CNTN4: variants seen among roughly 807,000 people sequenced by gnomAD.
CNTN4 encodes contactin 4, also known as contactin-4.
A neutral mutation model predicts 122.5 loss-of-function variants in CNTN4; 77 were observed. That is an observed-to-expected ratio of 0.63 (90% CI 0.52 to 0.76). The LOEUF (loss-of-function observed/expected upper bound fraction) is 0.76, where lower values mean the gene tolerates loss of function less well. CNTN4 is among the 30% of genes least tolerant of loss of function. The probability of loss-of-function intolerance (pLI) is 0.00; values close to 1 mark genes in which losing one functional copy is unlikely to be tolerated. For missense variants in CNTN4, 1,256 were observed against 1,259.1 expected, an observed-to-expected ratio of 1.00 and a Z score of 0.04; for synonymous variants, 512 against 447.0, an observed-to-expected ratio of 1.15 and a Z score of -1.83.
intron 3 of CNTN4, among the ~76,000 whole-genome samples, chr3:2,552,262 C>T (rs903785354): frequency 2.0e-4 from 31 of 151,808 alleles, no homozygotes; most frequent in Admixed American, 1.4e-3. Context: ...CAGTAGAAAC[C>T]GACAGAAAAG....
At chr3:2,113,681 A>G (rs981524202) in intron 2 of CNTN4, among the ~76,000 whole-genome samples, 2 of 152,202 alleles carry the variant, frequency 1.3e-5, no homozygotes, top group Non-Finnish European at 1.5e-5. Context: ...ATCAGAGTCT[A>G]TATAGTTTAA....
chr3:2,494,994 TC>T (rs1355953716), intron 3 of CNTN4, among the ~76,000 whole-genome samples: 1 of 152,216 alleles, frequency 6.6e-6, no homozygotes, highest in Non-Finnish European at 1.5e-5. Context: ...ACATTTTTTT[TC>T]CTACAAAGGT....
intron 3 of CNTN4, among the ~76,000 whole-genome samples, chr3:2,477,962 T>C (rs1452769926): frequency 6.6e-6 from 1 of 152,230 alleles, no homozygotes; most frequent in African/African-American, 2.4e-5. Flanking sequence ...ATTTTTAAAT[T>C]ACTTTGAAAT....
intron 2 of CNTN4, among the ~76,000 whole-genome samples, chr3:2,158,179 G>A (rs2035802426): frequency 6.6e-6 from 1 of 152,116 alleles, no homozygotes. Context: ...ACACATCAAA[G>A]TTTATGTTCC....
In CNTN4 at chr3:3,056,255, T is replaced by G. The variant is rs567737970; in HGVS notation, c.*35T>G. 7 of 1,478,946 alleles carry G rather than the reference T, an allele frequency of 4.7e-6. No individual in the cohort carries two copies. In the Admixed American group the frequency reaches 1.2e-4, roughly 25 times the overall value. The allele number at this position is 1,478,946 out of a possible 1,614,324, so 91.6% of individuals were successfully genotyped here. A position where few individuals can be genotyped will look rare whatever the true frequency, so the allele number is the denominator to read the frequency against. On this transcript the variant is annotated 3_prime_UTR_variant, in exon 25 of 25. Transcript: ENST00000418658. ...TCTGAAGGACTTGCTGTTTATAATA[T>G]AAGCAACATTTAGCTAGTTGTTTTG...
intron 3 of CNTN4, among the ~76,000 whole-genome samples, chr3:2,349,108 C>G (rs2044511730): frequency 6.6e-6 from 1 of 152,142 alleles, no homozygotes. Flanking sequence ...TTTACCCGAA[C>G]TGGTTTGGTA....
At chr3:2,628,619 T>C (rs2082298574) in intron 4 of CNTN4, among the ~76,000 whole-genome samples, 1 of 152,150 alleles carries the variant, frequency 6.6e-6, no homozygotes, top group Admixed American at 6.5e-5. Flanking sequence ...CCTTTATCCG[T>C]GTCGGTGAAA....
chr3:2,789,393 G>A (rs1418761913), intron 6 of CNTN4, among the ~76,000 whole-genome samples: 2 of 152,214 alleles, frequency 1.3e-5, no homozygotes, highest in Non-Finnish European at 2.9e-5. Context: ...TGCCTGAGAA[G>A]GCTTAGCCCT....
chr3:2,698,765 G>A (rs2086188036), intron 4 of CNTN4, among the ~76,000 whole-genome samples: 1 of 152,102 alleles, frequency 6.6e-6, no homozygotes, highest in Admixed American at 6.6e-5. Flanking sequence ...TAAGAGCCTG[G>A]CCAACACTTT....
intron 3 of CNTN4, among the ~76,000 whole-genome samples, chr3:2,363,898 A>T (rs2045265602): frequency 6.6e-6 from 1 of 152,336 alleles, no homozygotes; most frequent in South Asian, 2.1e-4. Flanking sequence ...CTATAGCTTT[A>T]ATGTAGGTGA....
chr3:2,383,059 C>T (rs984763422), intron 3 of CNTN4, among the ~76,000 whole-genome samples: 5 of 147,340 alleles, frequency 3.4e-5, no homozygotes, highest in South Asian at 2.1e-4. Context: ...TGGGTGACAA[C>T]AGCGAAAATC....
In CNTN4 at chr3:3,014,879, G is replaced by GTTTTTTTTTTTTTT. The variant is rs5846238; in HGVS notation, c.1487-11218_1487-11205dup. On this transcript the variant is annotated intron_variant, in intron 14 of 24. Coordinates refer to ENST00000418658, the MANE Select transcript of CNTN4 (RefSeq NM_175607.3). ...TTTATACTTGCGTGACCCTCGATTG[G>GTTTTTTTTTTTTTT]TTTTTTTTTTTTTTTTTTCTCTTTG... Among the ~76,000 whole-genome samples the GTTTTTTTTTTTTTT allele has an allele frequency of 5.8e-5, 7 of 121,544 alleles. 1 individual carries two copies. The highest frequency in any genetic ancestry group is 9.5e-5 in the African/African-American group (3 of 31,680). The allele number at this position is 121,544 out of a possible 152,430, so 79.7% of individuals were successfully genotyped here.
intron 7 of CNTN4, among the ~76,000 whole-genome samples, chr3:2,821,910 T>A (rs1184958559): frequency 6.6e-6 from 1 of 152,252 alleles, no homozygotes; most frequent in Non-Finnish European, 1.5e-5. Flanking sequence ...AAAACACTGT[T>A]TTATTTTTGT....
intron 19 of CNTN4, 81 bp from the exon 20 acceptor site, chr3:3,039,956 T>C (rs1267590950): frequency 3.5e-5 from 33 of 937,098 alleles, no homozygotes; most frequent in Non-Finnish European, 4.9e-5. Flanking sequence ...TAGACAAGAA[T>C]GTTACAAGGG....
intron 4 of CNTN4, among the ~76,000 whole-genome samples, chr3:2,732,397 A>G (rs1182205023): frequency 6.6e-6 from 1 of 151,982 alleles, no homozygotes; most frequent in East Asian, 1.9e-4. Context: ...TCGGAGACGC[A>G]TTGTATTATT....
intron 2 of CNTN4, among the ~76,000 whole-genome samples, chr3:2,271,981 A>C (rs1381274924): frequency 1.3e-5 from 2 of 152,212 alleles, no homozygotes; most frequent in African/African-American, 4.8e-5. Flanking sequence ...AAACATGTTC[A>C]CAAGATGTTA....
At chr3:2,610,296 G>A (rs976421199) in intron 4 of CNTN4, among the ~76,000 whole-genome samples, 1 of 152,194 alleles carries the variant, frequency 6.6e-6, no homozygotes, top group African/African-American at 2.4e-5. Flanking sequence ...ATCTCTGATA[G>A]CTTGGTTCTT....
intron 14 of CNTN4, among the ~76,000 whole-genome samples, chr3:3,020,402 G>GAAGA (rs1022782372): frequency 6.6e-6 from 1 of 152,160 alleles, no homozygotes; most frequent in African/African-American, 2.4e-5. Flanking sequence ...GCTTAATGTC[G>GAAGA]AAGAAAGAAA....
intron 4 of CNTN4, among the ~76,000 whole-genome samples, chr3:2,663,679 G>A (rs1423468603): frequency 6.6e-6 from 1 of 152,070 alleles, no homozygotes; most frequent in African/African-American, 2.4e-5. Context: ...TGTCCATGAA[G>A]AATCTAAAAT....
Sources: gnomAD v4.1 joint callset for allele counts (sites outside exome capture counted in the v4.1 genomes callset) on GRCh38, gnomAD v4.1.1 for gene constraint, MANE v1.5 for transcripts, NCBI Gene and HGNC (gene_info 2026-07-23, HGNC 2026-07-21) for gene names.